SLC25A39: variants seen among roughly 807,000 people sequenced by gnomAD.
SLC25A39 encodes the protein solute carrier family 25 member 39, also known as mitochondrial glutathione transporter SLC25A39.
SLC25A39 carries 44 observed loss-of-function variants against 46.6 expected under a neutral mutation model. The ratio of observed to expected loss-of-function variants is 0.94; its 90% CI spans 0.74 to 1.21. SLC25A39 has a LOEUF of 1.21. SLC25A39 is among the 50% of genes most tolerant of loss of function. The pLI is 0.00. For missense variants in SLC25A39, 487 were observed against 473.0 expected (o/e 1.03, Z -0.28); for synonymous variants, 218 against 190.6 (o/e 1.14, Z -1.19).
intron 2 of SLC25A39, 40 bp downstream of exon 2, chr17:44,323,438 C>CCAG: frequency 8.0e-6 from 10 of 1,257,690 alleles, no homozygotes; most frequent in Non-Finnish European, 1.1e-5. Flanking sequence ...CGGTCTGCCC[C>CCAG]ATCCCCACCC....
Position 44,320,290 on chromosome 17 carries a change from G to T in SLC25A39, c.884-14C>A. On this transcript the variant is annotated splice_polypyrimidine_tract_variant and intron_variant, in intron 10 of 11. Coordinates refer to ENST00000377095, the MANE Select transcript of SLC25A39 (RefSeq NM_001143780.3). ...GCAGGGGGTTCACTGCAAACGCGAG[G>T]CCGGCTCAGTGAGACCCCATTCAGG... 2 of 1,613,600 alleles carry T rather than the reference G, an allele frequency of 1.2e-6. No individual in the cohort carries two copies. Among genetic ancestry groups the T allele is most frequent in the South Asian group, 2.2e-5 (2 of 91,086 alleles).
At chr17:44,323,799 G>C in intron 1 of SLC25A39, 1 of 546,112 alleles carries the variant, frequency 1.8e-6, no homozygotes, top group Non-Finnish European at 3.2e-6. Flanking sequence ...GCACCACCAC[G>C]CCTAGTTAAT....
chr17:44,320,671 T>C lies in SLC25A39; in HGVS notation c.752A>G (p.Asp251Gly), dbSNP rs2048001341. Residue 251 changes from aspartate (D) to glycine (G), a missense_variant, in exon 9 of 12, where the codon GAC becomes GGC. Asp to Gly is a moderately conservative substitution (Grantham distance 94, BLOSUM62 -1). Coordinates refer to ENST00000377095, the MANE Select transcript of SLC25A39 (RefSeq NM_001143780.3). ...AAAGCTCATGCCCACAGAAGTCTGG[T>C]CCTTCGGCCTGAACCCATTGAGCCA... is the stretch of plus-strand genomic sequence containing the variant. ...KSWLNGFRPK[D>G]QTSVGMSFVA... 1 of 1,613,984 alleles carries C rather than the reference T, an allele frequency of 6.2e-7. No individual in the cohort carries two copies. Among genetic ancestry groups the C allele is most frequent in the African/African-American group, 1.3e-5 (1 of 74,934 alleles).
chr17:44,322,993 GCTCACTGCAACCTCCAC>G lies in SLC25A39; in HGVS notation c.146-158_146-142del, dbSNP rs2048101937. ...CCTGGAGCATAGTGGCACAATCTCA[GCTCACTGCAACCTCCAC>G]CTTCCCGGTTCAAGCGATTCTCCTG... On this transcript the variant is annotated intron_variant, in intron 3 of 11. Transcript: ENST00000377095. The G allele has an allele frequency of 1.1e-5, 10 of 951,344 alleles. No homozygotes were observed. In the South Asian group the frequency reaches 1.6e-4, roughly 15 times the overall value. 58.9% of individuals were successfully genotyped at this position (951,344 alleles called of 1,614,324 possible).
chr17:44,322,259 A>C (rs531645292), intron 5 of SLC25A39, among the ~76,000 whole-genome samples, 160 bp downstream of exon 5: 1 of 152,154 alleles, frequency 6.6e-6, no homozygotes, highest in East Asian at 1.9e-4. Flanking sequence ...AAAGAAAACA[A>C]ACACCCCATG....
rs1363624654 is a variant in SLC25A39 at position 44,320,541 on chromosome 17, T to C, written c.801+81A>G. The C allele has an allele frequency of 5.1e-6, 8 of 1,576,924 alleles. No individual in the cohort carries two copies. The East Asian group carries it at 1.8e-4, about 35-fold the overall frequency. On this transcript the variant is annotated intron_variant, in intron 9 of 11. Coordinates refer to ENST00000377095, the MANE Select transcript of SLC25A39 (RefSeq NM_001143780.3). ...GGAGGGACAAAGGCCTCATGGGGTC[T>C]GCTTCTGGGCATCTCCAAAAATCCT...
In SLC25A39 at chr17:44,321,781, C is replaced by A. The variant is rs758392015; in HGVS notation, c.325-14G>T. 8 of 1,608,384 alleles carry A rather than the reference C, an allele frequency of 5.0e-6. No homozygotes were observed. Among genetic ancestry groups the A allele is most frequent in the Non-Finnish European group, 6.8e-6 (8 of 1,176,644 alleles). On this transcript the variant is annotated splice_polypyrimidine_tract_variant and intron_variant, in intron 5 of 11. Transcript: ENST00000377095. ...CACGAAGGCATCCTGGCCAAGCAGG[C>A]ACCAGCCCAGGGGAAGAGGAGGGAC...
chr17:44,320,356 T>G lies in SLC25A39; in HGVS notation c.882A>C (p.Arg294Ser), dbSNP rs1441340224. 6.2e-7 allele frequency: 1 copy of G among 1,613,348 alleles called. No homozygotes were observed. Residue 294 changes from arginine to serine, a missense_variant and splice_region_variant, in exon 10 of 12, where the codon AGA becomes AGC. By Grantham distance (110) the Arg-to-Ser change is moderately radical (BLOSUM62 -1). Transcript: ENST00000377095. ...QVALGAMEAV[R>S]VNPLHVDSTW... is the part of the protein sequence containing the mutation. ...TGCCACGGCAATCTGGGCCCTCACC[T>G]CTCACAGCCTCCATCGCTCCCAGAG... is the stretch of plus-strand genomic sequence containing the variant.
chr17:44,321,139 G>C lies in SLC25A39; in HGVS notation c.610C>G (p.Arg204Gly). The change falls in exon 8 of 12, where the codon CGA becomes GGA. Residue 204 changes from arginine (R) to glycine (G), a missense_variant. Physicochemically the swap from Arg to Gly is moderately radical, Grantham distance 125. Coordinates refer to ENST00000377095, the MANE Select transcript of SLC25A39 (RefSeq NM_001143780.3). Reference protein sequence around the residue: ...VSYRELGACVRTAVAQGGWRS... With the variant: ...VSYRELGACVGTAVAQGGWRS... Reference sequence around the variant, plus strand: ...CAGCCACCCTGAGCCACTGCAGTTCGAACACAGGCACCCAGCTCCCGGTAC... The same window carrying C: ...CAGCCACCCTGAGCCACTGCAGTTCCAACACAGGCACCCAGCTCCCGGTAC... 1 of 1,612,616 alleles carries C rather than the reference G, an allele frequency of 6.2e-7. No homozygotes were observed. The highest frequency in any genetic ancestry group is 8.5e-7 in the Non-Finnish European group (1 of 1,179,882).
chr17:44,321,098 C>G lies in SLC25A39; in HGVS notation c.651G>C (p.Leu217=), dbSNP rs771412631. 5 of 1,611,162 alleles carry G rather than the reference C, an allele frequency of 3.1e-6. No homozygotes were observed. The Admixed American group carries it at 5.0e-5, about 16-fold the overall frequency. The change falls in exon 8 of 12, where the codon CTG becomes CTC. Residue 217 remains leucine, a synonymous_variant. Transcript: ENST00000377095. Reference sequence around the variant, plus strand: ...CTCGAAGGGCAGTGGGGCCCCAGCCCAGCCACAGTGAGCGCCAGCCACCCT... The same window carrying G: ...CTCGAAGGGCAGTGGGGCCCCAGCCGAGCCACAGTGAGCGCCAGCCACCCT... ...VAQGGWRSLW[L]GWGPTALRDV...
chr17:44,323,501 C>G lies in SLC25A39; in HGVS notation c.62G>C (p.Gly21Ala). ...PLQQMVASGT[G>A]AVVTSLFMTP... ...ACTGAAGAGAGAGGTAACCACAGCC[C>G]CGGTGCCTGAGGCCACCATTTGCTG... Residue 21 changes from glycine (G) to alanine (A), a missense_variant, in exon 2 of 12, where the codon GGG becomes GCG. Coordinates refer to ENST00000377095, the MANE Select transcript of SLC25A39 (RefSeq NM_001143780.3). 1 of 1,575,918 alleles carries G rather than the reference C, an allele frequency of 6.3e-7. No individual in the cohort carries two copies. The highest frequency in any genetic ancestry group is 1.2e-5 in the South Asian group (1 of 85,932).
At chr17:44,324,455 C>A (rs1598351830) in intron 1 of SLC25A39, 1 of 152,248 alleles carries the variant, frequency 6.6e-6, no homozygotes, top group Non-Finnish European at 1.5e-5. Flanking sequence ...ACCCGGGGCC[C>A]GGAGAGAAAG....
intron 1 of SLC25A39, chr17:44,324,410 A>G (rs1018965573): frequency 1.3e-5 from 2 of 152,278 alleles, no homozygotes; most frequent in African/African-American, 4.8e-5. Flanking sequence ...GCGGGCTGGG[A>G]TGCCCGGCCC....
intron 4 of SLC25A39, 80 bp from the exon 5 acceptor site, chr17:44,322,632 C>A: frequency 6.4e-7 from 1 of 1,571,020 alleles, no homozygotes; most frequent in South Asian, 1.2e-5. Context: ...CCCTGGAAGG[C>A]CAGTAAAGGC....
chr17:44,320,104 C>G lies in SLC25A39; in HGVS notation c.977G>C (p.Arg326Pro), dbSNP rs1319445466. 6.2e-7 allele frequency: 1 copy of G among 1,614,006 alleles called. No homozygotes were observed. Among genetic ancestry groups the G allele is most frequent in the South Asian group, 1.1e-5 (1 of 91,072 alleles). ...ACAGGAGGGGGCAGCCTTGATGATCCGAGGAAGGAAGCCTGCAGTGGAAAG... is the reference window on the plus strand; with the variant it reads ...ACAGGAGGGGGCAGCCTTGATGATCGGAGGAAGGAAGCCTGCAGTGGAAAG... ...TKGLFAGFLP[R>P]IIKAAPSCAI... The change falls in exon 12 of 12, where the codon CGG becomes CCG. Residue 326 changes from arginine (R) to proline (P), a missense_variant. By Grantham distance (103) the Arg-to-Pro change is moderately radical (BLOSUM62 -2). Coordinates refer to ENST00000377095, the MANE Select transcript of SLC25A39 (RefSeq NM_001143780.3).
rs756075333 is a variant in SLC25A39 at position 44,323,325 on chromosome 17, A to C, written c.104T>G (p.Val35Gly). 1.2e-6 allele frequency: 2 copies of C among 1,612,686 alleles called. No individual in the cohort carries two copies. Among genetic ancestry groups the C allele is most frequent in the South Asian group, 1.1e-5 (1 of 90,922 alleles). Residue 35 changes from valine to glycine, a missense_variant, in exon 3 of 12, where the codon GTG (valine) becomes GGG (glycine). Coordinates refer to ENST00000377095, the MANE Select transcript of SLC25A39 (RefSeq NM_001143780.3). Reference sequence around the variant, plus strand: ...CCGCTGAGACTGCAGGCGAACCTTCACCACGTCCAGGGGTGTCACTGGGGG... The same window carrying C: ...CCGCTGAGACTGCAGGCGAACCTTCCCCACGTCCAGGGGTGTCACTGGGGG... Reference protein sequence around the residue: ...TSLFMTPLDVVKVRLQSQRPS... With the variant: ...TSLFMTPLDVGKVRLQSQRPS...
Position 44,323,483 on chromosome 17 carries a change from A to G in SLC25A39, c.80T>C (p.Leu27Pro), listed in dbSNP as rs1297436398. The G allele has an allele frequency of 1.3e-6, 2 of 1,509,646 alleles. No homozygotes were observed. The highest frequency in any genetic ancestry group is 1.8e-6 in the Non-Finnish European group (2 of 1,121,176). 93.5% of individuals were successfully genotyped at this position (1,509,646 alleles called of 1,614,324 possible). A position where few individuals can be genotyped will look rare whatever the true frequency, so the allele number is the denominator to read the frequency against. ...ASGTGAVVTSLFMTPLDVVKV... is the reference protein window; with the variant it reads ...ASGTGAVVTSPFMTPLDVVKV... ...CCACCTCCCCTAGGTCTTACTGAAG[A>G]GAGAGGTAACCACAGCCCCGGTGCC... Residue 27 changes from leucine to proline, a missense_variant, in exon 2 of 12, where the codon CTC (leucine) becomes CCC (proline). Physicochemically the swap from Leu to Pro is moderately conservative, Grantham distance 98. Coordinates refer to ENST00000377095, the MANE Select transcript of SLC25A39 (RefSeq NM_001143780.3).
chr17:44,323,656 T>C (rs747003451), intron 1 of SLC25A39, 79 bp from the exon 2 acceptor site: 105 of 1,035,924 alleles, frequency 1.0e-4, no homozygotes, highest in Admixed American at 3.0e-4. Context: ...ACTTTTGTTT[T>C]GAGACGGCGT....
In SLC25A39 at chr17:44,320,294, G is replaced by C. The variant is rs1411060227; in HGVS notation, c.884-18C>G. 6.2e-7 allele frequency: 1 copy of C among 1,613,432 alleles called. No homozygotes were observed. Among genetic ancestry groups the C allele is most frequent in the Admixed American group, 1.7e-5 (1 of 60,000 alleles). On this transcript the variant is annotated intron_variant, in intron 10 of 11. Coordinates refer to ENST00000377095, the MANE Select transcript of SLC25A39 (RefSeq NM_001143780.3). ...GGGGTTCACTGCAAACGCGAGGCCG[G>C]CTCAGTGAGACCCCATTCAGGACCC...
Sources: gnomAD v4.1 joint callset for allele counts (sites outside exome capture counted in the v4.1 genomes callset) on GRCh38, gnomAD v4.1.1 for gene constraint, MANE v1.5 for transcripts, NCBI Gene and HGNC (gene_info 2026-07-23, HGNC 2026-07-21) for gene names.